Variants in CDCA2 observed in about 807,000 individuals in gnomAD.
CDCA2 encodes cell division cycle-associated protein 2.
CDCA2 carries 44 observed loss-of-function variants against 67.0 expected under a neutral mutation model. The ratio of observed to expected loss-of-function variants is 0.66; its 90% CI spans 0.52 to 0.84. The LOEUF (loss-of-function observed/expected upper bound fraction) is 0.84. Ranked by LOEUF, CDCA2 falls within the 40% of genes least tolerant of loss-of-function variation. The probability of loss-of-function intolerance (pLI) is 0.00; values close to 1 mark genes in which losing one functional copy is unlikely to be tolerated. For missense variants in CDCA2, 1,253 were observed against 1,203.2 expected, an observed-to-expected ratio of 1.04 and a Z score of -0.61; for synonymous variants, 447 against 418.7, an observed-to-expected ratio of 1.07 and a Z score of -0.82.
At chr8:25,466,753 A>G (rs1685207997) in intron 5 of CDCA2, among the ~76,000 whole-genome samples, 2 of 152,130 alleles carry the variant, frequency 1.3e-5, no homozygotes, top group Admixed American at 6.5e-5. Context: ...TTAAAAACAA[A>G]TATATTCAGC....
chr8:25,478,583 C>G (rs185426180), intron 7 of CDCA2, among the ~76,000 whole-genome samples: 1 of 152,190 alleles, frequency 6.6e-6, no homozygotes, highest in Non-Finnish European at 1.5e-5. Flanking sequence ...TGGCCTGGTT[C>G]TTAACCTTTG....
chr8:25,459,644 C>T (rs1014551378), intron 1 of CDCA2, among the ~76,000 whole-genome samples, 171 bp downstream of exon 1: 1 of 152,216 alleles, frequency 6.6e-6, no homozygotes, highest in East Asian at 1.9e-4. Context: ...AGAGCTGCGT[C>T]TTGAGAGGGG....
Position 25,503,483 on chromosome 8 carries a change from C to T in CDCA2, c.1782C>T (p.Pro594=), listed in dbSNP as rs200781754. Reference sequence around the variant, plus strand: ...AGAAGCCCCTCCTCAGTCCTATTCCCGAGCTGCCTGAAGTCCCTGAGATGA... The same window carrying T: ...AGAAGCCCCTCCTCAGTCCTATTCCTGAGCTGCCTGAAGTCCCTGAGATGA... ...ASKKPLLSPI[P]ELPEVPEMTP... The change falls in exon 14 of 15, where the codon CCC becomes CCT. Residue 594 remains proline, a synonymous_variant. Coordinates refer to ENST00000330560, the MANE Select transcript of CDCA2 (RefSeq NM_152562.4). The T allele has an allele frequency of 4.2e-5, 67 of 1,613,942 alleles. No individual in the cohort carries two copies. In the Admixed American group the frequency reaches 7.0e-4, roughly 17 times the overall value.
At chr8:25,499,294 ATTTTTTTTTTTTTT>A (rs34849682) in intron 13 of CDCA2, among the ~76,000 whole-genome samples, 1 of 83,202 alleles carries the variant, frequency 1.2e-5, no homozygotes, top group African/African-American at 4.9e-5. Context: ...ATGTCCATGA[ATTTTTTTTTTTTTT>A]TTTTTTTTTT....
intron 13 of CDCA2, among the ~76,000 whole-genome samples, chr8:25,501,326 A>C (rs971138529): frequency 6.6e-6 from 1 of 152,190 alleles, no homozygotes; most frequent in African/African-American, 2.4e-5. Context: ...TGTACTCTTG[A>C]ATCTCACCAT....
At chr8:25,461,973 G>A in intron 3 of CDCA2, 81 bp from the exon 4 acceptor site, 1 of 1,357,516 alleles carries the variant, frequency 7.4e-7, no homozygotes, top group Non-Finnish European at 1.0e-6. Flanking sequence ...TTCTCTCTCA[G>A]GCTGGTACAT....
At position 25,503,387 on chromosome 8, in the gene CDCA2, C is replaced by G. The variant is rs1221143123; in HGVS notation, c.1686C>G (p.Cys562Trp). The change falls in exon 14 of 15, where the codon TGC (cysteine) becomes TGG (tryptophan). Residue 562 changes from cysteine to tryptophan, a missense_variant. Cys to Trp is a radical substitution (Grantham distance 215). Transcript: ENST00000330560. ...LPKKSQVLKSCRKKKGKGKKS... is the reference protein window; with the variant it reads ...LPKKSQVLKSWRKKKGKGKKS... ...CATTTTCTCAGGTTTTAAAAAGTTGCAGAAAGAAGAAAGGAAAGGGAAAGA... is the reference window on the plus strand; with the variant it reads ...CATTTTCTCAGGTTTTAAAAAGTTGGAGAAAGAAGAAAGGAAAGGGAAAGA... 6.2e-7 allele frequency: 1 copy of G among 1,613,236 alleles called. No individual in the cohort carries two copies. The highest frequency in any genetic ancestry group is 1.7e-5 in the Admixed American group (1 of 60,016).
intron 13 of CDCA2, among the ~76,000 whole-genome samples, chr8:25,498,646 C>G (rs1281775034): frequency 1.3e-5 from 2 of 152,010 alleles, no homozygotes; most frequent in African/African-American, 4.8e-5. Context: ...AGTTCAGGGT[C>G]GCAGCCAAGA....
chr8:25,461,832 A>C (rs1032969159), intron 3 of CDCA2, among the ~76,000 whole-genome samples: 2 of 152,240 alleles, frequency 1.3e-5, no homozygotes, highest in East Asian at 3.8e-4. Context: ...TAACTGTTCT[A>C]TGTACCAGGC....
At chr8:25,470,102 C>T in intron 7 of CDCA2, 122 bp downstream of exon 7, 2 of 596,260 alleles carry the variant, frequency 3.4e-6, no homozygotes, top group Middle Eastern at 5.8e-4. Context: ...GAGCTCATGG[C>T]CTAGTAGAAA....
chr8:25,480,263 C>A, intron 8 of CDCA2, 139 bp downstream of exon 8: 1 of 713,174 alleles, frequency 1.4e-6, no homozygotes. Flanking sequence ...TTTTCCTCAT[C>A]TTTTCTTATT....
intron 7 of CDCA2, among the ~76,000 whole-genome samples, chr8:25,476,592 G>A (rs7002726): frequency 0.55 from 82,056 of 149,646 alleles, 24,032 homozygotes; most frequent in Middle Eastern, 0.66. Flanking sequence ...TCACTCTGCC[G>A]CCCAGGCTGT....
chr8:25,479,583 T>C (rs1479071592), intron 7 of CDCA2: 2 of 322,234 alleles, frequency 6.2e-6, no homozygotes, highest in East Asian at 1.5e-4. Context: ...GTCCAAGTAG[T>C]GGGTGTCATG....
rs542993794 is a variant in CDCA2 at position 25,481,191 on chromosome 8, T to A, written c.1032+1067T>A. Among the ~76,000 whole-genome samples the A allele has an allele frequency of 1.3e-4, 19 of 141,342 alleles. No homozygotes were observed. In the South Asian group the frequency reaches 3.3e-3, roughly 24 times the overall value. The allele number at this position is 141,342 out of a possible 152,430, so 92.7% of individuals were successfully genotyped here. ...TCCCCTGACTTTGGAAGGCCAACAC[T>A]GAAGGATCGCTTGAGCCCAGGAGTT... is the stretch of plus-strand genomic sequence containing the variant. On this transcript the variant is annotated intron_variant, in intron 8 of 14. Coordinates refer to ENST00000330560, the MANE Select transcript of CDCA2 (RefSeq NM_152562.4).
intron 13 of CDCA2, among the ~76,000 whole-genome samples, chr8:25,502,502 G>T (rs1018526429): frequency 6.6e-6 from 1 of 151,444 alleles, no homozygotes; most frequent in Non-Finnish European, 1.5e-5. Context: ...TCCATCTTCT[G>T]CTTGTGCTTG....
chr8:25,491,978 A>G (rs1042706790), intron 13 of CDCA2, among the ~76,000 whole-genome samples: 4 of 150,628 alleles, frequency 2.7e-5, no homozygotes, highest in African/African-American at 9.9e-5. Context: ...TTGTATTTTT[A>G]GTAAAGACGG....
intron 13 of CDCA2, among the ~76,000 whole-genome samples, chr8:25,501,411 G>A (rs546666349): frequency 3.9e-5 from 6 of 152,218 alleles, no homozygotes; most frequent in East Asian, 3.9e-4. Flanking sequence ...TGACACTCTC[G>A]AAGTCACCAT....
At chr8:25,493,931 A>T (rs1243966093) in intron 13 of CDCA2, among the ~76,000 whole-genome samples, 4 of 152,232 alleles carry the variant, frequency 2.6e-5, no homozygotes, top group Admixed American at 6.5e-5. Flanking sequence ...TGATCAAAAT[A>T]CAAAAATATA....
rs1803003214 is a variant in CDCA2, at chr8:25,468,286, G to A, written c.608G>A (p.Arg203Lys). 1 of 1,613,896 alleles carries A rather than the reference G, an allele frequency of 6.2e-7. No homozygotes were observed. Among genetic ancestry groups the A allele is most frequent in the Non-Finnish European group, 8.5e-7 (1 of 1,179,938 alleles). ...FPAVLSSKRR[R>K]ISYQRDSDEN... is the part of the protein sequence containing the mutation. The stretch of plus-strand genomic sequence containing the variant: ...GCAGTGTTGTCCTCCAAACGTCGGA[G>A]AATATCCTATCAGAGAGACTCTGAT... Residue 203 changes from arginine (R) to lysine (K), a missense_variant, in exon 6 of 15, where the codon AGA becomes AAA. Coordinates refer to ENST00000330560, the MANE Select transcript of CDCA2 (RefSeq NM_152562.4).
Sources: allele counts gnomAD v4.1 joint callset (sites outside exome capture counted in the v4.1 genomes callset), GRCh38; gene constraint gnomAD v4.1.1; transcripts MANE v1.5; gene names NCBI Gene and HGNC (gene_info 2026-07-23, HGNC 2026-07-21).